Variants in AKAP6 observed in about 807,000 individuals in gnomAD.
AKAP6 encodes A-kinase anchoring protein 6.
A neutral mutation model predicts 188.5 loss-of-function variants in AKAP6; 58 were observed. That is an observed-to-expected ratio of 0.31 (90% CI 0.25 to 0.38). AKAP6 has a LOEUF of 0.38. Among genes scored for constraint, AKAP6 ranks in the 10% least tolerant of loss-of-function variants. The pLI is 1.00. For synonymous variants in AKAP6, 989 were observed against 998.6 expected (o/e 0.99, Z 0.18); for missense variants, 2,710 against 2,740.0 (o/e 0.99, Z 0.24).
chr14:32,587,197 T>C lies in AKAP6; in HGVS notation c.2469+9955T>C, dbSNP rs139130318. Among the ~76,000 whole-genome samples, 487 of 150,550 alleles carry C rather than the reference T, an allele frequency of 3.2e-3. 1 individual carries two copies. The highest frequency in any genetic ancestry group is 0.011 in the African/African-American group (469 of 41,470). ...CCTTTTTGAGAACTATTTTTAAAAT[T>C]CTTAGCCTGTTTTTCTGTTGGTCAT... On this transcript the variant is annotated intron_variant, in intron 5 of 13. Transcript: ENST00000280979.
intron 2 of AKAP6, among the ~76,000 whole-genome samples, chr14:32,446,481 T>A (rs142383469): frequency 6.6e-6 from 1 of 152,292 alleles, no homozygotes; most frequent in African/African-American, 2.4e-5. Context: ...TTCTTAGTAG[T>A]TATAAACCTG....
At chr14:32,787,178 G>A (rs1594944734) in intron 12 of AKAP6, among the ~76,000 whole-genome samples, 2 of 152,278 alleles carry the variant, frequency 1.3e-5, no homozygotes, top group African/African-American at 4.8e-5. Context: ...AATTTGCAAT[G>A]ATCAGACAGC....
chr14:32,795,688 G>A lies in AKAP6; in HGVS notation c.3588+21795G>A, dbSNP rs148502887. Among the ~76,000 whole-genome samples the A allele has an allele frequency of 1.2e-4, 19 of 152,242 alleles. 1 individual carries two copies. The East Asian group carries it at 3.7e-3, about 29-fold the overall frequency. On this transcript the variant is annotated intron_variant, in intron 12 of 13. Transcript: ENST00000280979. The stretch of plus-strand genomic sequence containing the variant: ...GACAAATCAATAGCATGCTGAATGG[G>A]CAAAAGCTGGAAGCATTCTTGTTAA...
intron 2 of AKAP6, among the ~76,000 whole-genome samples, chr14:32,462,930 G>A (rs9743582): frequency 0.29 from 26,413 of 91,050 alleles, 7,065 homozygotes; most frequent in African/African-American, 0.71. Context: ...AAAAAAACCC[G>A]GGGTTGCAAT....
intron 4 of AKAP6, among the ~76,000 whole-genome samples, chr14:32,548,529 A>AATAGATAGATAG (rs71115083): frequency 4.7e-4 from 67 of 142,590 alleles, no homozygotes; most frequent in East Asian, 1.1e-3. Flanking sequence ...CTCAAGCTAA[A>AATAGATAGATAG]ATAGATAGAT....
intron 7 of AKAP6, among the ~76,000 whole-genome samples, chr14:32,606,467 T>G (rs2139368827): frequency 6.6e-6 from 1 of 152,340 alleles, no homozygotes; most frequent in Middle Eastern, 3.4e-3. Flanking sequence ...TACAGGTGTC[T>G]TATAATGGAG....
chr14:32,537,368 G>T (rs1249556999), intron 3 of AKAP6, among the ~76,000 whole-genome samples: 1 of 152,172 alleles, frequency 6.6e-6, no homozygotes, highest in East Asian at 1.9e-4. Context: ...TAGATCCCTA[G>T]AGGGTTCTCA....
intron 12 of AKAP6, among the ~76,000 whole-genome samples, chr14:32,804,735 T>G (rs2034044320): frequency 1.3e-5 from 2 of 152,094 alleles, no homozygotes; most frequent in South Asian, 4.1e-4. Context: ...CCAGGGCATA[T>G]CTCAGTCCTT....
chr14:32,785,578 A>G (rs2033375513), intron 12 of AKAP6, among the ~76,000 whole-genome samples: 1 of 152,214 alleles, frequency 6.6e-6, no homozygotes, highest in Non-Finnish European at 1.5e-5. Flanking sequence ...ATGAAGGGAA[A>G]ACTGATCTGA....
intron 2 of AKAP6, among the ~76,000 whole-genome samples, chr14:32,462,931 G>A (rs1891396335): frequency 9.6e-6 from 1 of 103,982 alleles, no homozygotes; most frequent in Admixed American, 9.1e-5. Flanking sequence ...AAAAAACCCG[G>A]GGTTGCAATC....
intron 5 of AKAP6, among the ~76,000 whole-genome samples, chr14:32,583,420 A>C (rs892138881): frequency 6.6e-6 from 1 of 152,202 alleles, no homozygotes; most frequent in African/African-American, 2.4e-5. Flanking sequence ...CCTCCCAGTT[A>C]GGCTGCTCGG....
chr14:32,581,174 G>A (rs1380991698), intron 5 of AKAP6, among the ~76,000 whole-genome samples: 1 of 152,154 alleles, frequency 6.6e-6, no homozygotes, highest in Non-Finnish European at 1.5e-5. Context: ...CACCAACAGT[G>A]TAAAAGTGTT....
At chr14:32,666,791 C>G (rs1345228226) in intron 7 of AKAP6, among the ~76,000 whole-genome samples, 1 of 151,666 alleles carries the variant, frequency 6.6e-6, no homozygotes, top group Non-Finnish European at 1.5e-5. Context: ...TGGAAAAGAC[C>G]ATCATTTTAA....
chr14:32,699,028 G>T (rs955693293), intron 9 of AKAP6, among the ~76,000 whole-genome samples: 3 of 152,060 alleles, frequency 2.0e-5, no homozygotes, highest in African/African-American at 7.2e-5. Context: ...CCCAAACCCT[G>T]ACTCATGCAC....
intron 2 of AKAP6, among the ~76,000 whole-genome samples, chr14:32,513,009 G>C (rs527611221): frequency 1.2e-4 from 18 of 152,252 alleles, no homozygotes; most frequent in African/African-American, 4.3e-4. Flanking sequence ...TTATCCCCAA[G>C]GGAGGACTAA....
At chr14:32,811,591 G>C (rs1267151541) in intron 12 of AKAP6, among the ~76,000 whole-genome samples, 2 of 152,178 alleles carry the variant, frequency 1.3e-5, no homozygotes, top group African/African-American at 4.8e-5. Flanking sequence ...AGTCTTGTGG[G>C]ACTGAGCCCT....
intron 4 of AKAP6, among the ~76,000 whole-genome samples, chr14:32,572,319 C>T (rs1366411964): frequency 1.3e-5 from 2 of 152,214 alleles, no homozygotes; most frequent in African/African-American, 2.4e-5. Context: ...CTTCCCATTT[C>T]CTCTTGTAGA....
rs989218500 is a variant in AKAP6 at position 32,546,336 on chromosome 14, T to C, written c.1683T>C (p.Ser561=). 5 of 1,614,036 alleles carry C rather than the reference T, an allele frequency of 3.1e-6. No individual in the cohort carries two copies. Among genetic ancestry groups the C allele is most frequent in the African/African-American group, 2.7e-5 (2 of 74,928 alleles). The change falls in exon 4 of 14, where the codon AGT becomes AGC. Residue 561 remains serine (S), a synonymous_variant. Coordinates refer to ENST00000280979, the MANE Select transcript of AKAP6 (RefSeq NM_004274.5). The part of the protein sequence containing the change: ...TSSLEPCNQR[S]WNAKLQLQSE... ...CACTTGAGCCTTGTAATCAGAGAAG[T>C]TGGAATGCCAAATTGCAATTGCAGT...
intron 1 of AKAP6, among the ~76,000 whole-genome samples, chr14:32,352,180 T>C (rs1887309074): frequency 6.6e-6 from 1 of 151,654 alleles, no homozygotes; most frequent in Admixed American, 6.6e-5. Context: ...TAGCCAGTTC[T>C]CTCTCATTCC....
Sources: gnomAD v4.1 joint callset for allele counts (sites outside exome capture counted in the v4.1 genomes callset) on GRCh38, gnomAD v4.1.1 for gene constraint, MANE v1.5 for transcripts, NCBI Gene and HGNC (gene_info 2026-07-23, HGNC 2026-07-21) for gene names.